The following PLXNA4 variants were observed in gnomAD, a reference collection of about 807,000 sequenced individuals.
The protein encoded by PLXNA4 is plexin-A4.
PLXNA4 carries 44 observed loss-of-function variants against 191.8 expected under a neutral mutation model. That is an observed-to-expected ratio of 0.23 (90% CI 0.18 to 0.29). The LOEUF (loss-of-function observed/expected upper bound fraction) is 0.29. Ranked by LOEUF, PLXNA4 falls within the 10% of genes least tolerant of loss-of-function variation. PLXNA4 has a pLI of 1.00. For missense variants in PLXNA4, 1,800 were observed against 2,488.8 expected (o/e 0.72, Z 5.89); for synonymous variants, 1,082 against 1,009.5 (o/e 1.07, Z -1.36).
intron 16 of PLXNA4, among the ~76,000 whole-genome samples, chr7:132,182,499 A>G (rs1796742706): frequency 6.6e-6 from 1 of 152,150 alleles, no homozygotes; most frequent in African/African-American, 2.4e-5. Flanking sequence ...GATTTGTGCC[A>G]GCTGCTTCTC....
At chr7:132,257,824 G>A (rs2116211833) in intron 4 of PLXNA4, among the ~76,000 whole-genome samples, 1 of 152,332 alleles carries the variant, frequency 6.6e-6, no homozygotes, top group South Asian at 2.1e-4. Context: ...TTCCAGCTAT[G>A]CTGAAGAATC....
chr7:132,142,969 C>T (rs1156725611), intron 29 of PLXNA4, among the ~76,000 whole-genome samples: 1 of 152,204 alleles, frequency 6.6e-6, no homozygotes, highest in African/African-American at 2.4e-5. Context: ...CAGCACCCAC[C>T]TGAGGTTCCC....
At chr7:132,543,009 C>A (rs542464550) in intron 1 of PLXNA4, among the ~76,000 whole-genome samples, 4 of 152,232 alleles carry the variant, frequency 2.6e-5, no homozygotes, top group African/African-American at 9.6e-5. Context: ...TCTGCTGGTT[C>A]TCGGTCATGT....
At chr7:132,618,996 T>C (rs1803209235) in intron 2 of PLXNA4, among the ~76,000 whole-genome samples, 1 of 152,182 alleles carries the variant, frequency 6.6e-6, no homozygotes. Context: ...ATTTGGAAAT[T>C]TTTTAAATTC....
intron 9 of PLXNA4, among the ~76,000 whole-genome samples, chr7:132,217,250 T>C (rs182380862): frequency 4.8e-4 from 73 of 152,350 alleles, no homozygotes; most frequent in Non-Finnish European, 8.5e-4. Context: ...CTATCCACCA[T>C]GTCCAGCACG....
At position 132,211,071 on chromosome 7, in the gene PLXNA4, C is replaced by A. The variant is rs1398761403; in HGVS notation, c.2170G>T (p.Ala724Ser). 2 of 1,607,776 alleles carry A rather than the reference C, an allele frequency of 1.2e-6. No homozygotes were observed. The highest frequency in any genetic ancestry group is 1.7e-6 in the Non-Finnish European group (2 of 1,177,080). The change falls in exon 10 of 32, where the codon GCC (alanine) becomes TCC (serine). Residue 724 changes from alanine (A) to serine (S), a missense_variant. Physicochemically the swap from Ala to Ser is moderately conservative, Grantham distance 99. Transcript: ENST00000321063. ...VEVIKPITLK[A>S]KNLPQPQSGQ... is the part of the protein sequence containing the mutation. ...GACTGGGGCTGGGGGAGGTTCTTGG[C>A]CTTCAGCGTGATAGGCTTGATCACC... is the stretch of plus-strand genomic sequence containing the variant.
chr7:132,251,578 C>A (rs1305370277), intron 4 of PLXNA4, among the ~76,000 whole-genome samples: 1 of 152,212 alleles, frequency 6.6e-6, no homozygotes, highest in Non-Finnish European at 1.5e-5. Flanking sequence ...GCACCTGACC[C>A]TTCTCTCTGA....
intron 2 of PLXNA4, among the ~76,000 whole-genome samples, chr7:132,497,576 G>C (rs779166484): frequency 6.6e-6 from 1 of 152,122 alleles, no homozygotes; most frequent in Non-Finnish European, 1.5e-5. Context: ...CTGTAACAAA[G>C]AAATCAAAAA....
intron 4 of PLXNA4, among the ~76,000 whole-genome samples, chr7:132,287,546 G>A (rs1364749264): frequency 1.3e-5 from 2 of 152,110 alleles, no homozygotes; most frequent in African/African-American, 2.4e-5. Context: ...GAAAAGCCAA[G>A]TCCGTGATCT....
intron 10 of PLXNA4, among the ~76,000 whole-genome samples, chr7:132,209,802 T>C (rs1414638680): frequency 6.6e-6 from 1 of 152,150 alleles, no homozygotes; most frequent in Non-Finnish European, 1.5e-5. Flanking sequence ...CAGGTGCAAC[T>C]AGAAGAATAC....
At chr7:132,414,680 C>A (rs1369663156) in intron 3 of PLXNA4, among the ~76,000 whole-genome samples, 1 of 152,150 alleles carries the variant, frequency 6.6e-6, no homozygotes, top group Non-Finnish European at 1.5e-5. Context: ...AATTAATCAG[C>A]CCCCAGTCCC....
At chr7:132,161,336 C>A (rs1476995601) in intron 24 of PLXNA4, among the ~76,000 whole-genome samples, 1 of 152,238 alleles carries the variant, frequency 6.6e-6, no homozygotes, top group Non-Finnish European at 1.5e-5. Context: ...AGTTGGCGTT[C>A]TAAAGTGGAA....
chr7:132,452,341 G>A (rs1796152919), intron 3 of PLXNA4, among the ~76,000 whole-genome samples: 1 of 152,170 alleles, frequency 6.6e-6, no homozygotes. Flanking sequence ...CACCCATCAG[G>A]AAGCATGCCA....
chr7:132,468,172 G>A lies in PLXNA4; in HGVS notation c.1371+21120C>T, dbSNP rs1796781395. ...CAACTGGGCCTAAGATAAGCCTCAAGTAATTACAACAGAGATAGACAAATC... is the reference window on the plus strand; with the variant it reads ...CAACTGGGCCTAAGATAAGCCTCAAATAATTACAACAGAGATAGACAAATC... On this transcript the variant is annotated intron_variant, in intron 3 of 31. Coordinates refer to ENST00000321063, the MANE Select transcript of PLXNA4 (RefSeq NM_020911.2). Among the ~76,000 whole-genome samples the A allele has an allele frequency of 2.6e-5, 4 of 152,122 alleles. No individual in the cohort carries two copies. In the South Asian group the frequency reaches 8.3e-4, roughly 32 times the overall value.
At chr7:132,409,617 CT>C (rs1794367954) in intron 3 of PLXNA4, among the ~76,000 whole-genome samples, 1 of 152,178 alleles carries the variant, frequency 6.6e-6, no homozygotes, top group Admixed American at 6.5e-5. Flanking sequence ...ATTTTTCACT[CT>C]TTCAAGGTGG....
intron 6 of PLXNA4, 57 bp downstream of exon 6, chr7:132,228,289 T>A: frequency 6.2e-7 from 1 of 1,606,870 alleles, no homozygotes; most frequent in Non-Finnish European, 8.5e-7. Flanking sequence ...CACTTTTTAG[T>A]GAGGGGAGAG....
In PLXNA4 at chr7:132,203,325, T is replaced by G. The variant is rs778139345; in HGVS notation, c.2393A>C (p.Lys798Thr). ...GCTAGGCCCCAGCCCTTCCACACCTTTATTCTGAGCTGGGTTGTCAATGTT... is the reference window on the plus strand; with the variant it reads ...GCTAGGCCCCAGCCCTTCCACACCTGTATTCTGAGCTGGGTTGTCAATGTT... ...HFNIDNPAQN[K>T]VHLYKCGAMR... The change falls in exon 11 of 32, where the codon AAA (lysine) becomes ACA (threonine). Residue 798 changes from lysine (K) to threonine (T), a missense_variant and splice_region_variant. Physicochemically the swap from Lys to Thr is moderately conservative, Grantham distance 78. This residue lies in a region of PLXNA4 where 1,397 missense variants were observed against 1,880.4 expected (regional missense o/e 0.74). Coordinates refer to ENST00000321063, the MANE Select transcript of PLXNA4 (RefSeq NM_020911.2). 19 of 1,610,746 alleles carry G rather than the reference T, an allele frequency of 1.2e-5. No homozygotes were observed. In the East Asian group the frequency reaches 4.0e-4, roughly 34 times the overall value.
chr7:132,621,548 C>T (rs1363461563), intron 2 of PLXNA4, among the ~76,000 whole-genome samples: 3 of 152,264 alleles, frequency 2.0e-5, no homozygotes, highest in South Asian at 2.1e-4. Context: ...CATGAGCCAT[C>T]GCACCTGGCC....
intron 5 of PLXNA4, among the ~76,000 whole-genome samples, chr7:132,229,679 C>A (rs376306790): frequency 3.9e-5 from 6 of 152,170 alleles, no homozygotes; most frequent in African/African-American, 1.4e-4. Context: ...CAGGAGAGAG[C>A]CCCAGGCAAG....
Sources: gnomAD v4.1 joint callset for allele counts (sites outside exome capture counted in the v4.1 genomes callset) on GRCh38, gnomAD v4.1.1 for gene constraint, gnomAD v4.1.1 regional missense constraint, MANE v1.5 for transcripts, NCBI Gene and HGNC (gene_info 2026-07-23, HGNC 2026-07-21) for gene names.